Variants in MTOR observed in about 807,000 individuals in gnomAD.
The protein encoded by MTOR is serine/threonine-protein kinase mTOR.
MTOR carries 70 observed loss-of-function variants against 319.8 expected under a neutral mutation model. The observed-to-expected ratio is 0.22, with a 90% CI of 0.18 to 0.27. The LOEUF (loss-of-function observed/expected upper bound fraction) is 0.27, where lower values mean the gene tolerates loss of function less well. MTOR is among the 10% of genes least tolerant of loss of function. The pLI is 1.00. For missense variants in MTOR, 1,890 were observed against 3,274.4 expected, an observed-to-expected ratio of 0.58 and a Z score of 10.32; for synonymous variants, 1,183 against 1,211.4, an observed-to-expected ratio of 0.98 and a Z score of 0.49.
intron 28 of MTOR, among the ~76,000 whole-genome samples, chr1:11,168,211 C>T (rs1644708004): frequency 1.4e-5 from 2 of 142,380 alleles, no homozygotes; most frequent in Admixed American, 1.4e-4. Flanking sequence ...CTCCTCTGAA[C>T]TTTTTTTTTT....
At chr1:11,134,518 G>T in intron 36 of MTOR, 52 bp from the exon 37 acceptor site, 1 of 1,507,200 alleles carries the variant, frequency 6.6e-7, no homozygotes, top group South Asian at 1.1e-5. Context: ...CCCAGCTTCA[G>T]AGGAAGGGAG....
rs532198004 is a variant in MTOR at position 11,252,370 on chromosome 1, CA to C, written c.840+1468del. 8.4e-4 allele frequency among the ~76,000 whole-genome samples: 128 copies of C among 152,084 alleles called. 1 individual carries two copies. The highest frequency in any genetic ancestry group is 8.3e-4 in the South Asian group (4 of 4,818). ...CAGGCTGGTCACGAACTCCTGGGAT[CA>C]AGTGATCTTCCCACTTCAGCCTCCC... On this transcript the variant is annotated intron_variant, in intron 6 of 57. Transcript: ENST00000361445.
At chr1:11,188,326 AT>A in intron 28 of MTOR, among the ~76,000 whole-genome samples, 1 of 152,328 alleles carries the variant, frequency 6.6e-6, no homozygotes, top group Non-Finnish European at 1.5e-5. Flanking sequence ...TGTCCTTCAT[AT>A]ATAGTACATG....
intron 1 of MTOR, among the ~76,000 whole-genome samples, chr1:11,259,830 TGAG>T (rs1216949763): frequency 2.0e-5 from 3 of 152,064 alleles, no homozygotes; most frequent in African/African-American, 7.2e-5. Context: ...CCCAGGAGGC[TGAG>T]GCAGGAGAAT....
At position 11,107,349 on chromosome 1, in the gene MTOR, A is replaced by G; in HGVS notation, c.*136T>C. 1 of 1,529,746 alleles carries G rather than the reference A, an allele frequency of 6.5e-7. No homozygotes were observed. Among genetic ancestry groups the G allele is most frequent in the Non-Finnish European group, 8.7e-7 (1 of 1,144,570 alleles). 94.8% of individuals were successfully genotyped at this position (1,529,746 alleles called of 1,614,324 possible). A position where few individuals can be genotyped will look rare whatever the true frequency, so the allele number is the denominator to read the frequency against. The stretch of plus-strand genomic sequence containing the variant: ...GTTGGTTCAAACCAACTTTTAATAT[A>G]CAGTAGTTCTTTTCATTTACATTTC... On this transcript the variant is annotated 3_prime_UTR_variant, in exon 58 of 58. Coordinates refer to ENST00000361445, the MANE Select transcript of MTOR (RefSeq NM_004958.4).
At position 11,117,100 on chromosome 1, in the gene MTOR, G is replaced by C; in HGVS notation, c.6934-14C>G. 1.3e-6 allele frequency: 2 copies of C among 1,589,970 alleles called. No individual in the cohort carries two copies. Among genetic ancestry groups the C allele is most frequent in the Non-Finnish European group, 1.7e-6 (2 of 1,168,770 alleles). On this transcript the variant is annotated splice_polypyrimidine_tract_variant and intron_variant, in intron 49 of 57. Coordinates refer to ENST00000361445, the MANE Select transcript of MTOR (RefSeq NM_004958.4). ...GTCAAACCACACCTAGAACACAGGAGTGCATGTGAACTACGGTTCTGGAAA... is the reference window on the plus strand; with the variant it reads ...GTCAAACCACACCTAGAACACAGGACTGCATGTGAACTACGGTTCTGGAAA...
In MTOR at chr1:11,213,390, G is replaced by T; in HGVS notation, c.3285+9C>A. On this transcript the variant is annotated intron_variant, in intron 21 of 57. Coordinates refer to ENST00000361445, the MANE Select transcript of MTOR (RefSeq NM_004958.4). ...AAAATCTCTCTGGAGGATGACGTAG[G>T]CTACTCACCTTGATAGAGACAATGC... 1 of 1,609,270 alleles carries T rather than the reference G, an allele frequency of 6.2e-7. No homozygotes were observed. Among genetic ancestry groups the T allele is most frequent in the Non-Finnish European group, 8.5e-7 (1 of 1,178,370 alleles).
Position 11,237,981 on chromosome 1 carries a change from C to T in MTOR, c.2070G>A (p.Ala690=), listed in dbSNP as rs55752564. 1,111 of 1,614,058 alleles carry T rather than the reference C, an allele frequency of 6.9e-4. 3 individuals carry two copies. Among genetic ancestry groups the T allele is most frequent in the African/African-American group, 1.2e-3 (91 of 74,932 alleles). Residue 690 remains alanine, a synonymous_variant, in exon 13 of 58, where the codon GCG becomes GCA. Transcript: ENST00000361445. ...CCACAAACAAGGCCTGCAAGTTCTC[C>T]GCCTGGGCCAGGTGTGCATCAAAGC... ...DERFDAHLAQ[A]ENLQALFVAL... is the part of the protein sequence containing the mutation.
At chr1:11,213,829 C>G (rs1196619553) in intron 20 of MTOR, among the ~76,000 whole-genome samples, 1 of 152,208 alleles carries the variant, frequency 6.6e-6, no homozygotes, top group Non-Finnish European at 1.5e-5. Context: ...TGCCTAGAAT[C>G]CCACTTCTTG....
chr1:11,186,323 G>A lies in MTOR; in HGVS notation c.4253+12935C>T, dbSNP rs184455511. ...TGATGCTCCTCTCTGGATAGAAGGA[G>A]AGACCACCCCTAGGTGCTCCCCTGC... On this transcript the variant is annotated intron_variant, in intron 28 of 57. Transcript: ENST00000361445. Among the ~76,000 whole-genome samples, 531 of 152,186 alleles carry A rather than the reference G, an allele frequency of 3.5e-3. 11 individuals carry two copies. Among genetic ancestry groups the A allele is most frequent in the Non-Finnish European group, 1.3e-3 (90 of 68,012 alleles).
chr1:11,106,844 C>T lies in MTOR; in HGVS notation c.*641G>A, dbSNP rs1009049053. 4 of 1,310,142 alleles carry T rather than the reference C, an allele frequency of 3.1e-6. No individual in the cohort carries two copies. Among genetic ancestry groups the T allele is most frequent in the South Asian group, 1.4e-5 (1 of 71,198 alleles). The allele number at this position is 1,310,142 out of a possible 1,614,324, so 81.2% of individuals were successfully genotyped here. A position where few individuals can be genotyped will look rare whatever the true frequency, so the allele number is the denominator to read the frequency against. ...GCATCTGCTCAGCCGAGGCTGCCAG[C>T]GATCTGAATAAACCTCCCTACTAGC... On this transcript the variant is annotated 3_prime_UTR_variant, in exon 58 of 58. Coordinates refer to ENST00000361445, the MANE Select transcript of MTOR (RefSeq NM_004958.4).
intron 13 of MTOR, among the ~76,000 whole-genome samples, chr1:11,234,732 A>G (rs1480037921): frequency 1.3e-5 from 2 of 152,218 alleles, no homozygotes; most frequent in Non-Finnish European, 2.9e-5. Flanking sequence ...TGATGCCAAG[A>G]GAAGTGCTGA....
intron 1 of MTOR, among the ~76,000 whole-genome samples, chr1:11,259,774 C>T (rs188390645): frequency 1.4e-4 from 22 of 152,192 alleles, no homozygotes; most frequent in Non-Finnish European, 3.2e-4. Flanking sequence ...GAAAACCCAT[C>T]TCTATGAAAA....
At chr1:11,203,955 C>G (rs1299655405) in intron 26 of MTOR, among the ~76,000 whole-genome samples, 1 of 119,550 alleles carries the variant, frequency 8.4e-6, no homozygotes, top group African/African-American at 2.6e-5. Flanking sequence ...AAGCCAGTCA[C>G]CATCTGTGAG....
intron 28 of MTOR, chr1:11,193,629 G>A (rs759931399): frequency 9.9e-6 from 16 of 1,612,720 alleles, no homozygotes; most frequent in Non-Finnish European, 1.4e-5. Context: ...ATCATCCAGA[G>A]ACGAAAAAGT....
chr1:11,122,883 T>C (rs1456534638), intron 47 of MTOR, among the ~76,000 whole-genome samples: 1 of 152,152 alleles, frequency 6.6e-6, no homozygotes, highest in Admixed American at 6.5e-5. Context: ...TTGTGAAGAA[T>C]AAGGCATCAC....
chr1:11,157,718 T>G (rs1430751058), intron 29 of MTOR, among the ~76,000 whole-genome samples: 1 of 152,172 alleles, frequency 6.6e-6, no homozygotes, highest in Non-Finnish European at 1.5e-5. Context: ...CTGGGCTACT[T>G]GACAGGGATG....
At chr1:11,144,887 G>A in intron 33 of MTOR, 81 bp downstream of exon 33, 6 of 1,544,160 alleles carry the variant, frequency 3.9e-6, no homozygotes, top group South Asian at 1.1e-5. Context: ...CCAGCAGCCT[G>A]TAAGTTCTCA....
chr1:11,227,612 C>G (rs1646887770), intron 19 of MTOR, among the ~76,000 whole-genome samples: 2 of 151,486 alleles, frequency 1.3e-5, no homozygotes, highest in African/African-American at 4.9e-5. Flanking sequence ...GACATATAAT[C>G]TTAGAACCAT....
Sources: gnomAD v4.1 joint callset for allele counts (sites outside exome capture counted in the v4.1 genomes callset) on GRCh38, gnomAD v4.1.1 for gene constraint, MANE v1.5 for transcripts, NCBI Gene and HGNC (gene_info 2026-07-23, HGNC 2026-07-21) for gene names.